Variants in SLC7A7 observed in about 807,000 individuals in gnomAD.
The protein encoded by SLC7A7 is solute carrier family 7 member 7, also known as Y+L amino acid transporter 1.
Under a neutral mutation model 47.9 loss-of-function variants are expected in SLC7A7, and 39 were observed. The ratio of observed to expected loss-of-function variants is 0.81; its 90% CI spans 0.63 to 1.06. The LOEUF is 1.06. Among genes scored for constraint, SLC7A7 ranks in the 50% least tolerant of loss-of-function variants. The probability of loss-of-function intolerance (pLI) is 0.00; values close to 1 mark genes in which losing one functional copy is unlikely to be tolerated. For synonymous variants in SLC7A7, 234 were observed against 242.8 expected, an observed-to-expected ratio of 0.96 and a Z score of 0.34; for missense variants, 588 against 632.0, an observed-to-expected ratio of 0.93 and a Z score of 0.75.
chr14:22,804,905 G>A (rs965462259), intron 2 of SLC7A7, among the ~76,000 whole-genome samples: 2 of 152,186 alleles, frequency 1.3e-5, no homozygotes, highest in Non-Finnish European at 2.9e-5. Context: ...TACTCAGGAG[G>A]CTAAGGCAGG....
At chr14:22,807,491 A>G (rs772173455) in intron 2 of SLC7A7, among the ~76,000 whole-genome samples, 2 of 152,156 alleles carry the variant, frequency 1.3e-5, no homozygotes, top group Non-Finnish European at 2.9e-5. Flanking sequence ...ACTTGAGGCC[A>G]GGAGTTGGAG....
At chr14:22,794,175 G>A (rs7155516) in intron 2 of SLC7A7, among the ~76,000 whole-genome samples, 131,897 of 152,280 alleles carry the variant, frequency 0.87, 58,046 homozygotes, top group East Asian at 0.98. Flanking sequence ...CCGCACAGCC[G>A]GCTCTGTGTG....
rs1267133279 is a variant in SLC7A7, at chr14:22,813,078, G to A, written c.321C>T (p.Ile107=). 1 of 1,614,114 alleles carries A rather than the reference G, an allele frequency of 6.2e-7. No individual in the cohort carries two copies. Among genetic ancestry groups the A allele is most frequent in the Non-Finnish European group, 8.5e-7 (1 of 1,180,006 alleles). Residue 107 remains isoleucine, a synonymous_variant, in exon 2 of 10, where the codon ATC becomes ATT. Coordinates refer to ENST00000674313, the MANE Select transcript of SLC7A7 (RefSeq NM_003982.4). ...CAAGGAATCCTCCAAAGGCCTCCAGGATATAGGCATAGCTGGCCCCAGATT... is the reference window on the plus strand; with the variant it reads ...CAAGGAATCCTCCAAAGGCCTCCAGAATATAGGCATAGCTGGCCCCAGATT... ...IKKSGASYAY[I]LEAFGGFLAF... is the part of the protein sequence containing the mutation.
chr14:22,779,468 G>GCA (rs1566443216), intron 3 of SLC7A7, among the ~76,000 whole-genome samples: 1 of 124,626 alleles, frequency 8.0e-6, no homozygotes, highest in East Asian at 2.2e-4. Context: ...TTTTTTTTTG[G>GCA]GGGGGGGACA....
At chr14:22,787,367 C>T (rs529719068) in intron 2 of SLC7A7, among the ~76,000 whole-genome samples, 10 of 151,882 alleles carry the variant, frequency 6.6e-5, no homozygotes, top group Non-Finnish European at 1.2e-4. Context: ...ACCCAGGAGG[C>T]GGAGGTTGCA....
rs759116860 is a variant in SLC7A7, at chr14:22,773,512, A to G, written c.*98T>C. 1 of 987,634 alleles carries G rather than the reference A, an allele frequency of 1.0e-6. No homozygotes were observed. The highest frequency in any genetic ancestry group is 2.4e-5 in the East Asian group (1 of 41,162). 61.2% of individuals were successfully genotyped at this position (987,634 alleles called of 1,614,324 possible). On this transcript the variant is annotated 3_prime_UTR_variant, in exon 10 of 10. Coordinates refer to ENST00000674313, the MANE Select transcript of SLC7A7 (RefSeq NM_003982.4). The stretch of plus-strand genomic sequence containing the variant: ...AGCTGCCTAGGCCAGGCTTCTGGAC[A>G]GGTGCCTCCAAAGAAGTGAGCTTTC...
intron 2 of SLC7A7, among the ~76,000 whole-genome samples, chr14:22,788,506 C>T (rs549887377): frequency 5.1e-4 from 77 of 151,792 alleles, no homozygotes; most frequent in East Asian, 1.5e-3. Context: ...AGTTTGAGAT[C>T]AGCCTGGCCA....
chr14:22,797,812 A>G (rs2039044544), intron 2 of SLC7A7, among the ~76,000 whole-genome samples: 1 of 152,264 alleles, frequency 6.6e-6, no homozygotes, highest in Non-Finnish European at 1.5e-5. Context: ...TAGTAATACC[A>G]GACTATCTAG....
At position 22,813,025 on chromosome 14, in the gene SLC7A7, A is replaced by G; in HGVS notation, c.374T>C (p.Leu125Pro). 1 of 1,614,072 alleles carries G rather than the reference A, an allele frequency of 6.2e-7. No individual in the cohort carries two copies. Among genetic ancestry groups the G allele is most frequent in the Non-Finnish European group, 8.5e-7 (1 of 1,180,010 alleles). ...GGCCTGGCTGGTGGGCTCAATGATG[A>G]GCAGGGAGGTCCAGAGTCTGATGAA... ...LAFIRLWTSL[L>P]IIEPTSQAII... The change falls in exon 2 of 10, where the codon CTC becomes CCC. Residue 125 changes from leucine to proline, a missense_variant. By Grantham distance (98) the Leu-to-Pro change is moderately conservative. Transcript: ENST00000674313.
intron 9 of SLC7A7, 101 bp downstream of exon 9, chr14:22,773,832 G>T: frequency 6.4e-7 from 1 of 1,563,548 alleles, no homozygotes; most frequent in Non-Finnish European, 8.8e-7. Flanking sequence ...GGGTTCATAA[G>T]AAGGGGCTAA....
chr14:22,773,397 C>G lies in SLC7A7; in HGVS notation c.*213G>C. The G allele has an allele frequency of 1.5e-6, 1 of 647,430 alleles. No individual in the cohort carries two copies. The highest frequency in any genetic ancestry group is 1.5e-5 in the South Asian group (1 of 66,210). The allele number at this position is 647,430 out of a possible 1,614,324, so 40.1% of individuals were successfully genotyped here. A position where few individuals can be genotyped will look rare whatever the true frequency, so the allele number is the denominator to read the frequency against. On this transcript the variant is annotated 3_prime_UTR_variant, in exon 10 of 10. Transcript: ENST00000674313. ...AACCTGACATGCTCCTCCCCACAGT[C>G]ACCTTCATTGTCCCCTTTAAAAGTC...
intron 9 of SLC7A7, 102 bp from the exon 10 acceptor site, chr14:22,773,818 C>G: frequency 1.3e-6 from 2 of 1,548,866 alleles, no homozygotes; most frequent in Non-Finnish European, 1.8e-6. Context: ...TCCACTAAGC[C>G]GAAGGGTTCA....
chr14:22,777,359 A>T (rs1388140071), intron 4 of SLC7A7, among the ~76,000 whole-genome samples: 1 of 152,178 alleles, frequency 6.6e-6, no homozygotes, highest in Non-Finnish European at 1.5e-5. Context: ...GAAATTTAAC[A>T]TCTTCAGAGA....
chr14:22,779,701 G>A (rs573733212), intron 3 of SLC7A7, among the ~76,000 whole-genome samples: 48 of 152,030 alleles, frequency 3.2e-4, no homozygotes, highest in African/African-American at 1.1e-3. Context: ...GGATCCACCC[G>A]CGATGGCCTC....
chr14:22,773,438 C>T lies in SLC7A7; in HGVS notation c.*172G>A. The T allele has an allele frequency of 1.4e-6, 1 of 705,418 alleles. No individual in the cohort carries two copies. Among genetic ancestry groups the T allele is most frequent in the South Asian group, 1.5e-5 (1 of 66,780 alleles). The allele number at this position is 705,418 out of a possible 1,614,324, so 43.7% of individuals were successfully genotyped here. ...TTTAAAAGTCTGGAACAGTATGTAG[C>T]AAAACAAATAAATTACTTTTCATTT... On this transcript the variant is annotated 3_prime_UTR_variant, in exon 10 of 10. Transcript: ENST00000674313.
intron 2 of SLC7A7, among the ~76,000 whole-genome samples, chr14:22,783,785 C>T (rs1466528983): frequency 1.3e-5 from 2 of 152,192 alleles, no homozygotes; most frequent in Non-Finnish European, 2.9e-5. Flanking sequence ...ACTCCTGAGC[C>T]TGATTTCTCT....
chr14:22,787,800 A>G, intron 2 of SLC7A7, among the ~76,000 whole-genome samples: 1 of 146,378 alleles, frequency 6.8e-6, no homozygotes, highest in East Asian at 2.1e-4. Flanking sequence ...TAGGCCGGGC[A>G]CGGTGGCTCA....
chr14:22,812,768 T>C (rs2039331535), intron 2 of SLC7A7, 132 bp downstream of exon 2: 2 of 538,054 alleles, frequency 3.7e-6, no homozygotes, highest in African/African-American at 2.5e-5. Flanking sequence ...CAAAGCATAC[T>C]TTAACTATAT....
chr14:22,818,641 C>T (rs2039438775), upstream of SLC7A7, among the ~76,000 whole-genome samples: 2 of 134,762 alleles, frequency 1.5e-5, no homozygotes, highest in South Asian at 2.4e-4. Flanking sequence ...TTTGCTTTGT[C>T]CCCCAGGCTG....
Sources: gnomAD v4.1 joint callset for allele counts (sites outside exome capture counted in the v4.1 genomes callset) on GRCh38, gnomAD v4.1.1 for gene constraint, MANE v1.5 for transcripts, NCBI Gene and HGNC (gene_info 2026-07-23, HGNC 2026-07-21) for gene names.